RRM1: variants seen among roughly 807,000 people sequenced by gnomAD.
RRM1 encodes the protein ribonucleotide reductase catalytic subunit M1.
RRM1 carries 19 observed loss-of-function variants against 101.5 expected under a neutral mutation model. That is an observed-to-expected ratio of 0.19 (90% CI 0.13 to 0.27). The LOEUF (loss-of-function observed/expected upper bound fraction) is 0.27. Among genes scored for constraint, RRM1 ranks in the 10% least tolerant of loss-of-function variants. The pLI, the probability that RRM1 is intolerant of heterozygous loss-of-function variation, is 1.00. For synonymous variants in RRM1, 298 were observed against 323.4 expected (o/e 0.92, Z 0.84); for missense variants, 500 against 962.9 (o/e 0.52, Z 6.36).
chr11:4,094,819 G>A lies in RRM1; in HGVS notation c.-194G>A. The A allele has an allele frequency of 1.6e-6, 1 of 613,874 alleles. No homozygotes were observed. The highest frequency in any genetic ancestry group is 2.8e-5 in the East Asian group (1 of 35,750). 38.0% of individuals were successfully genotyped at this position (613,874 alleles called of 1,614,324 possible). On this transcript the variant is annotated 5_prime_UTR_variant, in exon 1 of 19. Coordinates refer to ENST00000300738, the MANE Select transcript of RRM1 (RefSeq NM_001033.5). The stretch of plus-strand genomic sequence containing the variant: ...CGCGCCCCTTTGTGCGTCACGGGTG[G>A]CGGGCGCGGGAAGGGGATTTGGATT...
intron 1 of RRM1, among the ~76,000 whole-genome samples, chr11:4,097,061 G>T (rs1046890955): frequency 6.6e-6 from 1 of 151,776 alleles, no homozygotes; most frequent in Non-Finnish European, 1.5e-5. Context: ...GAGGTGGGTG[G>T]ATCATTTGAG....
intron 12 of RRM1, among the ~76,000 whole-genome samples, chr11:4,124,731 G>A (rs1322554880): frequency 6.6e-6 from 1 of 152,112 alleles, no homozygotes; most frequent in East Asian, 1.9e-4. Flanking sequence ...TCACTCTGTT[G>A]CCCAAGCTGG....
intron 4 of RRM1, 66 bp from the exon 5 acceptor site, chr11:4,109,578 T>C (rs952843629): frequency 1.5e-6 from 2 of 1,305,560 alleles, no homozygotes; most frequent in Admixed American, 1.9e-5. Context: ...GGCCGAGAGA[T>C]AAGAGATTTT....
intron 15 of RRM1, among the ~76,000 whole-genome samples, chr11:4,130,086 A>ATATATT (rs1202870487): frequency 1.9e-4 from 19 of 99,446 alleles, no homozygotes; most frequent in African/African-American, 1.0e-3. Context: ...ATATATATAT[A>ATATATT]TTTTTTTTTT....
rs2094584474 is a variant in RRM1 at position 4,123,228 on chromosome 11, G to A, written c.1164G>A (p.Gln388=). Residue 388 remains glutamine, a synonymous_variant, in exon 12 of 19, where the codon CAG becomes CAA. Transcript: ENST00000300738. ...TCCGCAAAGTTGTAAAAGCTCAGCA[G>A]CTTTGGTATGCCATCATTGAGTCTC... ...GRVRKVVKAQ[Q]LWYAIIESQT... is the part of the protein sequence containing the mutation. 2 of 1,614,090 alleles carry A rather than the reference G, an allele frequency of 1.2e-6. No individual in the cohort carries two copies. Among genetic ancestry groups the A allele is most frequent in the Admixed American group, 1.7e-5 (1 of 60,006 alleles).
chr11:4,100,668 A>T lies in RRM1; in HGVS notation c.20-1325A>T, dbSNP rs1274143381. The stretch of plus-strand genomic sequence containing the variant: ...TGCCTATTGTGTATCACATACTGTG[A>T]TTTTTTTTTCCCCCATAGGAGCAGC... On this transcript the variant is annotated intron_variant, in intron 1 of 18. Transcript: ENST00000300738. 2.6e-5 allele frequency among the ~76,000 whole-genome samples: 4 copies of T among 152,174 alleles called. No individual in the cohort carries two copies. In the East Asian group the frequency reaches 7.7e-4, roughly 29 times the overall value.
chr11:4,135,376 C>CT, intron 18 of RRM1, 106 bp downstream of exon 18: 1 of 845,916 alleles, frequency 1.2e-6, no homozygotes, highest in Non-Finnish European at 1.7e-6. Context: ...CCTAGAAGTT[C>CT]TTTAAGTTCA....
At chr11:4,122,331 A>G (rs2094583009) in intron 11 of RRM1, 111 bp downstream of exon 11, 2 of 736,234 alleles carry the variant, frequency 2.7e-6, no homozygotes, top group Non-Finnish European at 4.2e-6. Flanking sequence ...CATCTAAGAG[A>G]AAAAGTGACT....
chr11:4,112,152 T>C, intron 7 of RRM1, 90 bp downstream of exon 7: 1 of 925,184 alleles, frequency 1.1e-6, no homozygotes, highest in Non-Finnish European at 1.7e-6. Flanking sequence ...GACCTTTTAG[T>C]AGCTGCCTGC....
At position 4,138,232 on chromosome 11, in the gene RRM1, C is replaced by A; in HGVS notation, c.2228C>A (p.Pro743Gln). The stretch of plus-strand genomic sequence containing the variant: ...GGGATGTATTATTTAAGGACAAGAC[C>A]AGCGGCTAATCCAATCCAGTTCACT... The part of the protein sequence containing the change: ...KTGMYYLRTR[P>Q]AANPIQFTLN... Residue 743 changes from proline to glutamine, a missense_variant, in exon 19 of 19, where the codon CCA (proline) becomes CAA (glutamine). By Grantham distance (76) the Pro-to-Gln change is moderately conservative. Transcript: ENST00000300738. 1 of 1,597,202 alleles carries A rather than the reference C, an allele frequency of 6.3e-7. No homozygotes were observed. Among genetic ancestry groups the A allele is most frequent in the Non-Finnish European group, 8.6e-7 (1 of 1,166,416 alleles).
chr11:4,101,999 G>A lies in RRM1; in HGVS notation c.26G>A (p.Arg9His), dbSNP rs867302188. 5.7e-6 allele frequency: 9 copies of A among 1,575,872 alleles called. No homozygotes were observed. Among genetic ancestry groups the A allele is most frequent in the East Asian group, 2.2e-5 (1 of 44,548 alleles). MHVIKRDG[R>H]QERVMFDKIT... ...ACATGATTTGATTCTTTAGATGGCC[G>A]CCAAGAACGAGTCATGTTTGACAAA... The change falls in exon 2 of 19, where the codon CGC becomes CAC. Residue 9 changes from arginine (R) to histidine (H), a missense_variant. This residue lies in a region of RRM1 where 44 missense variants were observed against 119.4 expected (regional missense o/e 0.37). Transcript: ENST00000300738.
At chr11:4,106,320 T>A in intron 3 of RRM1, 97 bp downstream of exon 3, 1 of 1,078,510 alleles carries the variant, frequency 9.3e-7, no homozygotes, top group Non-Finnish European at 1.4e-6. Context: ...CAAATATGGC[T>A]AGATGGGGTG....
At chr11:4,133,893 T>C (rs1443518704) in intron 17 of RRM1, among the ~76,000 whole-genome samples, 1 of 152,082 alleles carries the variant, frequency 6.6e-6, no homozygotes, top group African/African-American at 2.4e-5. Flanking sequence ...TTCTGCATCT[T>C]AGAATCAACT....
intron 4 of RRM1, among the ~76,000 whole-genome samples, chr11:4,109,053 A>G (rs2094562022): frequency 1.3e-5 from 2 of 152,154 alleles, no homozygotes; most frequent in Admixed American, 6.5e-5. Flanking sequence ...AACAAGGACC[A>G]GTTATGCTCT....
At chr11:4,102,799 C>G (rs1279302301) in intron 2 of RRM1, among the ~76,000 whole-genome samples, 1 of 152,118 alleles carries the variant, frequency 6.6e-6, no homozygotes, top group Non-Finnish European at 1.5e-5. Flanking sequence ...ATATTTAAGT[C>G]AAGAACAAAC....
chr11:4,106,767 A>T (rs1195528758), intron 3 of RRM1, among the ~76,000 whole-genome samples: 2 of 152,136 alleles, frequency 1.3e-5, no homozygotes, highest in Non-Finnish European at 2.9e-5. Flanking sequence ...TAAATAAATA[A>T]ATAAATAGCA....
At chr11:4,135,664 C>G (rs2094608260) in intron 18 of RRM1, among the ~76,000 whole-genome samples, 1 of 152,052 alleles carries the variant, frequency 6.6e-6, no homozygotes, top group Non-Finnish European at 1.5e-5. Context: ...TGTGCATTAC[C>G]ACCATTCCTC....
At chr11:4,122,422 A>G (rs1340601326) in intron 11 of RRM1, among the ~76,000 whole-genome samples, 1 of 152,196 alleles carries the variant, frequency 6.6e-6, no homozygotes, top group Non-Finnish European at 1.5e-5. Context: ...TTTGGAATGT[A>G]TAAATAGGTT....
At chr11:4,127,718 C>T (rs1980412) in intron 14 of RRM1, among the ~76,000 whole-genome samples, 59,175 of 152,038 alleles carry the variant, frequency 0.39, 14,140 homozygotes, top group Non-Finnish European at 0.54. Flanking sequence ...GTTGCACCAG[C>T]CATAGGAAAC....
Sources: gnomAD v4.1 joint callset for allele counts (sites outside exome capture counted in the v4.1 genomes callset) on GRCh38, gnomAD v4.1.1 for gene constraint, gnomAD v4.1.1 regional missense constraint, MANE v1.5 for transcripts, NCBI Gene and HGNC (gene_info 2026-07-23, HGNC 2026-07-21) for gene names.